The following DNM3 variants were observed in gnomAD, a reference collection of about 807,000 sequenced individuals.
The protein encoded by DNM3 is dynamin-3.
DNM3 carries 47 observed loss-of-function variants against 101.6 expected under a neutral mutation model. The ratio of observed to expected loss-of-function variants is 0.46; its 90% confidence interval spans 0.37 to 0.59. The LOEUF (loss-of-function observed/expected upper bound fraction) is 0.59. Ranked by LOEUF, DNM3 falls within the 20% of genes least tolerant of loss-of-function variation. DNM3 has a pLI of 0.00. For missense variants in DNM3, 849 were observed against 1,085.7 expected (o/e 0.78, Z 3.06); for synonymous variants, 385 against 387.9 (o/e 0.99, Z 0.09).
intron 4 of DNM3, among the ~76,000 whole-genome samples, chr1:171,995,209 G>A (rs1462911913): frequency 2.1e-5 from 3 of 145,276 alleles, no homozygotes; most frequent in East Asian, 4.3e-4. Context: ...GGGTTCAAGT[G>A]ATTCTCCTGC....
intron 17 of DNM3, among the ~76,000 whole-genome samples, chr1:172,368,718 C>G (rs2068160655): frequency 2.6e-5 from 4 of 151,516 alleles, no homozygotes; most frequent in Admixed American, 2.6e-4. Flanking sequence ...AAACCATTAG[C>G]TAAACTAAGA....
intron 13 of DNM3, among the ~76,000 whole-genome samples, chr1:172,108,932 A>G (rs1056015054): frequency 2.0e-5 from 3 of 152,220 alleles, no homozygotes; most frequent in African/African-American, 4.8e-5. Flanking sequence ...ATGGTGAACA[A>G]AAATAAAATA....
chr1:172,276,052 A>G (rs1423860495), intron 15 of DNM3, among the ~76,000 whole-genome samples: 4 of 152,094 alleles, frequency 2.6e-5, no homozygotes, highest in African/African-American at 9.7e-5. Flanking sequence ...TATTTTTAGT[A>G]TAGCTTTTTA....
chr1:172,147,028 T>A (rs1361446934), intron 14 of DNM3, among the ~76,000 whole-genome samples: 1 of 152,116 alleles, frequency 6.6e-6, no homozygotes, highest in East Asian at 1.9e-4. Flanking sequence ...CTATAGAAAT[T>A]GAGTTCCCCT....
In DNM3 at chr1:172,411,172, CTG is replaced by C; in HGVS notation, c.*3334_*3335del. 2.0e-6 allele frequency: 2 copies of C among 985,074 alleles called. No individual in the cohort carries two copies. The highest frequency in any genetic ancestry group is 2.3e-4 in the East Asian group (2 of 8,814). The allele number at this position is 985,074 out of a possible 1,614,324, so 61.0% of individuals were successfully genotyped here. A position where few individuals can be genotyped will look rare whatever the true frequency, so the allele number is the denominator to read the frequency against. On this transcript the variant is annotated 3_prime_UTR_variant, in exon 21 of 21. Coordinates refer to ENST00000627582, the MANE Select transcript of DNM3 (RefSeq NM_015569.5). ...GTGTGGTATCAGGATATTTTTTAAA[CTG>C]TGATAATACAACAGATAGCTTTGAA...
intron 15 of DNM3, chr1:172,289,881 T>G (rs1474774226): frequency 1.0e-6 from 1 of 975,110 alleles, no homozygotes; most frequent in African/African-American, 1.8e-5. Flanking sequence ...ATTTGTAGTT[T>G]TATTGTACTG....
intron 17 of DNM3, among the ~76,000 whole-genome samples, chr1:172,374,066 A>G (rs946301343): frequency 2.6e-5 from 4 of 152,086 alleles, no homozygotes; most frequent in Admixed American, 6.6e-5. Context: ...TGTTGTCTGT[A>G]TGATGACTCA....
chr1:171,920,807 T>C (rs2040099117), intron 1 of DNM3, among the ~76,000 whole-genome samples: 1 of 152,240 alleles, frequency 6.6e-6, no homozygotes, highest in Non-Finnish European at 1.5e-5. Context: ...TATCAAAACG[T>C]CCATTTATCA....
At chr1:172,217,448 G>T (rs2060744139) in intron 14 of DNM3, among the ~76,000 whole-genome samples, 1 of 152,150 alleles carries the variant, frequency 6.6e-6, no homozygotes, top group Admixed American at 6.5e-5. Context: ...CTCCTTTTGT[G>T]TAGCGGTAAG....
chr1:172,318,387 G>A (rs2065503877), intron 16 of DNM3, among the ~76,000 whole-genome samples: 1 of 152,188 alleles, frequency 6.6e-6, no homozygotes, highest in Non-Finnish European at 1.5e-5. Context: ...TTCTGGCCAG[G>A]GCAATCAGGC....
At chr1:172,022,198 C>T (rs1351718198) in intron 4 of DNM3, among the ~76,000 whole-genome samples, 1 of 151,918 alleles carries the variant, frequency 6.6e-6, no homozygotes, top group Non-Finnish European at 1.5e-5. Flanking sequence ...CATCTGTATG[C>T]TTGAGAAGAT....
intron 1 of DNM3, among the ~76,000 whole-genome samples, chr1:171,883,614 G>T (rs2125137827): frequency 6.6e-6 from 1 of 151,898 alleles, no homozygotes; most frequent in South Asian, 2.1e-4. Context: ...TGAGATTACA[G>T]GCACACACCA....
intron 15 of DNM3, among the ~76,000 whole-genome samples, chr1:172,263,543 T>C (rs1483851605): frequency 6.6e-6 from 1 of 152,200 alleles, no homozygotes; most frequent in Non-Finnish European, 1.5e-5. Context: ...TAGTTCCACA[T>C]GGCTGGGGAG....
In DNM3 at chr1:172,038,527, A is replaced by G. The variant is rs920484892; in HGVS notation, c.992+66A>G. 1.3e-5 allele frequency: 20 copies of G among 1,577,440 alleles called. No individual in the cohort carries two copies. The Admixed American group carries it at 1.9e-4, about 15-fold the overall frequency. On this transcript the variant is annotated intron_variant, in intron 7 of 20. Transcript: ENST00000627582. ...AATTTCTTTAGTTTTCTATTGCCTT[A>G]GTCTATTTGTCACGTTGCTTCTTAG...
intron 14 of DNM3, among the ~76,000 whole-genome samples, chr1:172,192,811 A>G (rs1253487938): frequency 6.6e-6 from 1 of 151,450 alleles, no homozygotes; most frequent in Non-Finnish European, 1.5e-5. Context: ...AGTCTTTGCT[A>G]TTGTGAATAA....
rs907161903 is a variant in DNM3, at chr1:172,411,644, T to G, written c.*3803T>G. On this transcript the variant is annotated 3_prime_UTR_variant, in exon 21 of 21. Transcript: ENST00000627582. ...TATCTAATACCTTGGAGGTAGGTCA[T>G]CCACTTTTTCAGGTAAACATTTTTC... 1 of 985,136 alleles carries G rather than the reference T, an allele frequency of 1.0e-6. No individual in the cohort carries two copies. Among genetic ancestry groups the G allele is most frequent in the Non-Finnish European group, 1.2e-6 (1 of 829,822 alleles). 61.0% of individuals were successfully genotyped at this position (985,136 alleles called of 1,614,324 possible).
At chr1:171,974,400 A>G (rs1292157073) in intron 2 of DNM3, among the ~76,000 whole-genome samples, 1 of 152,174 alleles carries the variant, frequency 6.6e-6, no homozygotes, top group Non-Finnish European at 1.5e-5. Flanking sequence ...TCTATTTTGC[A>G]AAAGAAATTG....
intron 2 of DNM3, among the ~76,000 whole-genome samples, chr1:171,936,210 C>A (rs1389491284): frequency 6.6e-6 from 1 of 151,822 alleles, no homozygotes; most frequent in Non-Finnish European, 1.5e-5. Flanking sequence ...CACGAAACAG[C>A]CGGGCATAGT....
intron 10 of DNM3, among the ~76,000 whole-genome samples, chr1:172,066,969 T>TGTTTGTGTGTGTGTGC (rs2051726132): frequency 6.6e-6 from 1 of 151,852 alleles, no homozygotes; most frequent in African/African-American, 2.4e-5. Context: ...TGTGTGTGTG[T>TGTTTGTGTGTGTGTGC]GTGTGTTTGT....
Sources: gnomAD v4.1 joint callset for allele counts (sites outside exome capture counted in the v4.1 genomes callset) on GRCh38, gnomAD v4.1.1 for gene constraint, MANE v1.5 for transcripts, NCBI Gene and HGNC (gene_info 2026-07-23, HGNC 2026-07-21) for gene names.